Variants in MARCHF1 observed in about 807,000 individuals in gnomAD.
The protein encoded by MARCHF1 is E3 ubiquitin-protein ligase MARCHF1.
A neutral mutation model predicts 54.2 loss-of-function variants in MARCHF1; 40 were observed. That is an observed-to-expected ratio of 0.74 (90% CI 0.57 to 0.96). MARCHF1 has a LOEUF of 0.96. Among genes scored for constraint, MARCHF1 ranks in the 40% least tolerant of loss-of-function variants. The pLI is 0.00. For synonymous variants in MARCHF1, 236 were observed against 236.3 expected (o/e 1.00, Z 0.01); for missense variants, 586 against 656.5 (o/e 0.89, Z 1.17).
chr4:163,651,622 C>A (rs527386269), intron 5 of MARCHF1, among the ~76,000 whole-genome samples: 1 of 149,866 alleles, frequency 6.7e-6, no homozygotes, highest in East Asian at 2.0e-4. Flanking sequence ...ACTTTAGTGG[C>A]ATTTTAAAGG....
chr4:164,335,680 T>C (rs4635775), intron 1 of MARCHF1, among the ~76,000 whole-genome samples: 62,522 of 150,754 alleles, frequency 0.41, 13,742 homozygotes, highest in Non-Finnish European at 0.49. Context: ...AGCAGGACCC[T>C]CCAGCCACAA....
At position 163,724,623 on chromosome 4, in the gene MARCHF1, C is replaced by A. The variant is rs562119550; in HGVS notation, c.112-23760G>T. 6.6e-5 allele frequency among the ~76,000 whole-genome samples: 10 copies of A among 152,280 alleles called. No homozygotes were observed. In the East Asian group the frequency reaches 1.9e-3, roughly 29 times the overall value. On this transcript the variant is annotated intron_variant, in intron 4 of 9. Coordinates refer to ENST00000514618, the MANE Select transcript of MARCHF1 (RefSeq NM_001394959.1). ...CCCCTAGAGGTGGAGTCTACAAAGG[C>A]GGGCAAGCCTCCTTGAGCTGCAGTG...
Position 164,275,577 on chromosome 4 carries a change from GAGA to G in MARCHF1, c.-323+108290_-323+108292del, listed in dbSNP as rs1175066343. 4.9e-4 allele frequency among the ~76,000 whole-genome samples: 75 copies of G among 152,322 alleles called. 1 individual carries two copies. The highest frequency in any genetic ancestry group is 6.2e-4 in the South Asian group (3 of 4,832). On this transcript the variant is annotated intron_variant, in intron 1 of 9. Coordinates refer to ENST00000514618, the MANE Select transcript of MARCHF1 (RefSeq NM_001394959.1). ...TAAACTTGATAAATAACTGAGAAGT[GAGA>G]AGGAGATTAGTGGGTTGATTAAATT...
chr4:164,178,390 G>A (rs1205001593), intron 1 of MARCHF1, among the ~76,000 whole-genome samples: 1 of 152,174 alleles, frequency 6.6e-6, no homozygotes, highest in Non-Finnish European at 1.5e-5. Flanking sequence ...AACACAAGGA[G>A]AAAGTGCAGG....
At position 164,333,406 on chromosome 4, in the gene MARCHF1, T is replaced by C. The variant is rs923970337; in HGVS notation, c.-323+50464A>G. On this transcript the variant is annotated intron_variant, in intron 1 of 9. Transcript: ENST00000514618. ...TTTTTCAAAAAGCATGTACTCACTT[T>C]GTATCTCTTTACCACATTATGCTAA... is the stretch of plus-strand genomic sequence containing the variant. Among the ~76,000 whole-genome samples the C allele has an allele frequency of 5.3e-5, 8 of 152,338 alleles. 1 individual carries two copies. Among genetic ancestry groups the C allele is most frequent in the South Asian group, 4.1e-4 (2 of 4,828 alleles).
intron 1 of MARCHF1, among the ~76,000 whole-genome samples, chr4:164,147,788 A>G (rs1303410175): frequency 6.7e-6 from 1 of 149,980 alleles, no homozygotes; most frequent in Non-Finnish European, 1.5e-5. Context: ...TAACCTGCAC[A>G]TTGTGCACAT....
chr4:163,996,654 T>G (rs1753082369), intron 2 of MARCHF1, among the ~76,000 whole-genome samples: 1 of 152,094 alleles, frequency 6.6e-6, no homozygotes, highest in East Asian at 1.9e-4. Flanking sequence ...CAGAATCCCC[T>G]ATAGATATTA....
intron 5 of MARCHF1, among the ~76,000 whole-genome samples, chr4:163,684,820 C>A (rs138670908): frequency 3.3e-4 from 50 of 152,268 alleles, no homozygotes; most frequent in African/African-American, 1.1e-3. Context: ...AAGAATTATG[C>A]AGTAAACATC....
chr4:163,594,297 A>G (rs1740688249), intron 7 of MARCHF1, among the ~76,000 whole-genome samples: 1 of 152,124 alleles, frequency 6.6e-6, no homozygotes, highest in Admixed American at 6.6e-5. Flanking sequence ...GTGGCCAAGT[A>G]TGAAAAGAGC....
chr4:163,628,341 C>T (rs542301220), intron 5 of MARCHF1, among the ~76,000 whole-genome samples: 9 of 152,036 alleles, frequency 5.9e-5, no homozygotes, highest in Non-Finnish European at 7.4e-5. Context: ...AAAGGCCTTC[C>T]GTAAAATTCA....
chr4:163,622,693 A>G (rs961093330), intron 5 of MARCHF1, among the ~76,000 whole-genome samples: 2 of 152,180 alleles, frequency 1.3e-5, no homozygotes, highest in African/African-American at 4.8e-5. Flanking sequence ...ATTTTAAAGG[A>G]AGACTCAGGC....
chr4:164,205,243 G>C (rs1196074571), intron 1 of MARCHF1, among the ~76,000 whole-genome samples: 1 of 152,178 alleles, frequency 6.6e-6, no homozygotes. Flanking sequence ...AAGTAATGAT[G>C]AGAGCTTGTA....
chr4:163,849,270 C>T (rs996734109), intron 4 of MARCHF1, among the ~76,000 whole-genome samples: 9 of 152,104 alleles, frequency 5.9e-5, no homozygotes, highest in African/African-American at 2.2e-4. Flanking sequence ...GGGTAATTAT[C>T]ACACTTGCCA....
intron 9 of MARCHF1, among the ~76,000 whole-genome samples, chr4:163,531,469 G>GAAC (rs897450858): frequency 2.9e-4 from 44 of 151,884 alleles, no homozygotes; most frequent in African/African-American, 1.1e-3. Flanking sequence ...ATGCGATAAA[G>GAAC]AACATAGAAA....
At chr4:163,853,102 T>C (rs1749683755) in intron 4 of MARCHF1, among the ~76,000 whole-genome samples, 1 of 152,202 alleles carries the variant, frequency 6.6e-6, no homozygotes. Context: ...TTTTGTTTTT[T>C]ATAAGTTACC....
chr4:163,686,120 G>C (rs1237038416), intron 5 of MARCHF1, among the ~76,000 whole-genome samples: 1 of 152,036 alleles, frequency 6.6e-6, no homozygotes, highest in African/African-American at 2.4e-5. Flanking sequence ...ATTATATATA[G>C]CAGATGCTTA....
At chr4:163,768,875 C>A (rs1579271611) in intron 4 of MARCHF1, among the ~76,000 whole-genome samples, 1 of 152,086 alleles carries the variant, frequency 6.6e-6, no homozygotes, top group Non-Finnish European at 1.5e-5. Flanking sequence ...CCTATACTTT[C>A]TCTTTCTTTA....
chr4:164,102,530 G>A (rs1335494699), intron 2 of MARCHF1, among the ~76,000 whole-genome samples: 7 of 150,084 alleles, frequency 4.7e-5, no homozygotes, highest in Non-Finnish European at 1.0e-4. Flanking sequence ...CATAAGTGAA[G>A]GAGAAATAAA....
intron 5 of MARCHF1, among the ~76,000 whole-genome samples, chr4:163,664,592 G>A (rs1743465367): frequency 6.6e-6 from 1 of 152,010 alleles, no homozygotes; most frequent in African/African-American, 2.4e-5. Flanking sequence ...GAGGGGATTT[G>A]AATCTAAAAA....
Sources: allele counts gnomAD v4.1 joint callset (sites outside exome capture counted in the v4.1 genomes callset), GRCh38; gene constraint gnomAD v4.1.1; transcripts MANE v1.5; gene names NCBI Gene and HGNC (gene_info 2026-07-23, HGNC 2026-07-21).